The following CHAF1A variants were observed in gnomAD, a reference collection of about 807,000 sequenced individuals.
The protein encoded by CHAF1A is chromatin assembly factor 1 subunit A, also known as CAF-1 subunit A.
A neutral mutation model predicts 93.2 loss-of-function variants in CHAF1A; 5 were observed. The observed-to-expected ratio is 0.05, with a 90% CI of 0.03 to 0.11. The LOEUF (loss-of-function observed/expected upper bound fraction) is 0.11, where lower values mean the gene tolerates loss of function less well. Among genes scored for constraint, CHAF1A ranks in the 10% least tolerant of loss-of-function variants. The pLI, the probability that CHAF1A is intolerant of heterozygous loss-of-function variation, is 1.00. For synonymous variants in CHAF1A, 504 were observed against 510.3 expected (o/e 0.99, Z 0.17); for missense variants, 1,102 against 1,259.9 (o/e 0.87, Z 1.90).
chr19:4,427,994 G>A (rs1300423005), intron 7 of CHAF1A, among the ~76,000 whole-genome samples: 1 of 151,902 alleles, frequency 6.6e-6, no homozygotes, highest in Non-Finnish European at 1.5e-5. Context: ...AAAGTGGTGG[G>A]ATTACAGGCA....
chr19:4,422,811 G>A lies in CHAF1A; in HGVS notation c.1247+16G>A. The A allele has an allele frequency of 6.2e-7, 1 of 1,607,696 alleles. No homozygotes were observed. Among genetic ancestry groups the A allele is most frequent in the Non-Finnish European group, 8.5e-7 (1 of 1,176,180 alleles). On this transcript the variant is annotated intron_variant, in intron 5 of 14. Transcript: ENST00000301280. This position sits in a 1 kb window ranked among gnomAD's most constrained non-coding sequence, Gnocchi z 4.6. ...AAGCCCTGGAGTGAGTGTCCTTGGA[G>A]GCCATGCTGGGCCCGCCACCCTGCT...
intron 13 of CHAF1A, 149 bp from the exon 14 acceptor site, chr19:4,442,096 T>G (rs1192579194): frequency 4.7e-6 from 3 of 637,074 alleles, no homozygotes; most frequent in Non-Finnish European, 8.6e-6. Context: ...TTGGACAGTT[T>G]GTTACCAAAT....
downstream of CHAF1A, chr19:4,446,044 C>G (rs1974505911): frequency 1.9e-6 from 3 of 1,608,272 alleles, no homozygotes; most frequent in East Asian, 4.5e-5. Flanking sequence ...CGGGCCGACA[C>G]TCACCAGCCC....
At chr19:4,403,394 C>T (rs1017215613) in intron 1 of CHAF1A, among the ~76,000 whole-genome samples, 10 of 152,240 alleles carry the variant, frequency 6.6e-5, no homozygotes, top group African/African-American at 2.4e-4. Flanking sequence ...CCACCACAGG[C>T]CTCCTGAAAC....
At chr19:4,421,428 A>G (rs999363358) in intron 4 of CHAF1A, among the ~76,000 whole-genome samples, 1 of 152,314 alleles carries the variant, frequency 6.6e-6, no homozygotes, top group Admixed American at 6.5e-5. Context: ...ACCAGGACAC[A>G]GGGCTAATTC....
At chr19:4,426,009 T>C (rs1190446451) in intron 7 of CHAF1A, among the ~76,000 whole-genome samples, 1 of 152,204 alleles carries the variant, frequency 6.6e-6, no homozygotes, top group Non-Finnish European at 1.5e-5. Flanking sequence ...TTTGCCATTT[T>C]AGTTCTTCTA....
chr19:4,430,658 G>T lies in CHAF1A; in HGVS notation c.1947+17G>T, dbSNP rs774454126. 9 of 1,613,152 alleles carry T rather than the reference G, an allele frequency of 5.6e-6. No individual in the cohort carries two copies. In the East Asian group the frequency reaches 2.0e-4, roughly 36 times the overall value. ...GTGACAGAGGTGAGGGAGTGAAGGG[G>T]GAGGTCACCGGCTCAGCAAAAGTTC... On this transcript the variant is annotated intron_variant, in intron 11 of 14. Coordinates refer to ENST00000301280, the MANE Select transcript of CHAF1A (RefSeq NM_005483.3).
chr19:4,429,311 G>A lies in CHAF1A; in HGVS notation c.1605-127G>A, dbSNP rs1410199010. 6.5e-6 allele frequency: 7 copies of A among 1,084,080 alleles called. No homozygotes were observed. In the African/African-American group the frequency reaches 1.1e-4, roughly 17 times the overall value. 67.2% of individuals were successfully genotyped at this position (1,084,080 alleles called of 1,614,324 possible). On this transcript the variant is annotated intron_variant, in intron 8 of 14. Coordinates refer to ENST00000301280, the MANE Select transcript of CHAF1A (RefSeq NM_005483.3). The stretch of plus-strand genomic sequence containing the variant: ...CCTGACCTTTCTTTGGGGACAGGCA[G>A]TGCTGCTTTTTAACAAATGCCCATC...
intron 4 of CHAF1A, among the ~76,000 whole-genome samples, chr19:4,420,245 G>A (rs931783049): frequency 2.7e-5 from 4 of 147,374 alleles, no homozygotes; most frequent in Non-Finnish European, 6.0e-5. Flanking sequence ...GCAGGTGAGC[G>A]TTTTTTTTTT....
chr19:4,437,938 T>C (rs1974315547), intron 13 of CHAF1A, among the ~76,000 whole-genome samples: 1 of 152,082 alleles, frequency 6.6e-6, no homozygotes, highest in Non-Finnish European at 1.5e-5. Flanking sequence ...AGACGGGGTT[T>C]CACTGTGTTA....
At chr19:4,444,930 C>G (rs544742622), downstream of CHAF1A, 226 of 154,398 alleles carry the variant, frequency 1.5e-3, no homozygotes, top group Non-Finnish European at 8.6e-4. Context: ...GGAGCCACAC[C>G]CAGCCCCCAA....
rs988547706 is a variant in CHAF1A at position 4,406,031 on chromosome 19, C to G, written c.103+69C>G. ...GTCTTCCTTGTCTCTTGTTGGAGAC[C>G]TCAGTGGAAGCCTGGAGCTAGAGGG... is the stretch of plus-strand genomic sequence containing the variant. On this transcript the variant is annotated intron_variant, in intron 2 of 14. Transcript: ENST00000301280. The G allele has an allele frequency of 1.4e-5, 18 of 1,267,632 alleles. No individual in the cohort carries two copies. The Admixed American group carries it at 2.7e-4, about 19-fold the overall frequency. 78.5% of individuals were successfully genotyped at this position (1,267,632 alleles called of 1,614,324 possible). A position where few individuals can be genotyped will look rare whatever the true frequency, so the allele number is the denominator to read the frequency against.
In CHAF1A at chr19:4,422,709, G is replaced by A. The variant is rs771688217; in HGVS notation, c.1161G>A (p.Arg387=). Residue 387 remains arginine, a synonymous_variant, in exon 5 of 15, where the codon CGG becomes CGA. Transcript: ENST00000301280. The surrounding 1 kb of genome is among the most constrained non-coding windows in gnomAD (Gnocchi z 4.6). ...AGGAGCTTAAGGAAAAGGAGAGGCG[G>A]GAGAAGCGGGAGAAGGATGAGAAGG... The part of the protein sequence containing the change: ...EEKELKEKER[R]EKREKDEKEK... 1 of 1,607,182 alleles carries A rather than the reference G, an allele frequency of 6.2e-7. No individual in the cohort carries two copies. Among genetic ancestry groups the A allele is most frequent in the South Asian group, 1.1e-5 (1 of 90,520 alleles).
chr19:4,447,965 C>G, downstream of CHAF1A: 1 of 497,166 alleles, frequency 2.0e-6, no homozygotes, highest in Non-Finnish European at 3.7e-6. Flanking sequence ...GGGGCTCCTG[C>G]GGGGTGCTCC....
chr19:4,418,061 G>C lies in CHAF1A; in HGVS notation c.1002G>C (p.Lys334Asn). Residue 334 changes from lysine (K) to asparagine (N), a missense_variant, in exon 4 of 15, where the codon AAG becomes AAC. Lys to Asn is a moderately conservative substitution (Grantham distance 94). Transcript: ENST00000301280. ...TCAAAGGCTCTACAGAGAAGAACAAGCTCAGACTGCAAAGAGTAAGACATT... is the reference window on the plus strand; with the variant it reads ...TCAAAGGCTCTACAGAGAAGAACAACCTCAGACTGCAAAGAGTAAGACATT... ...KFVKGSTEKN[K>N]LRLQRDQERL... The C allele has an allele frequency of 5.6e-6, 9 of 1,604,484 alleles. No homozygotes were observed. The highest frequency in any genetic ancestry group is 7.7e-6 in the Non-Finnish European group (9 of 1,175,444).
In CHAF1A at chr19:4,442,335, G is replaced by A. The variant is rs142075541; in HGVS notation, c.2764G>A (p.Ala922Thr). Residue 922 changes from alanine (A) to threonine (T), a missense_variant, in exon 14 of 15, where the codon GCT (alanine) becomes ACT (threonine). Transcript: ENST00000301280. The stretch of plus-strand genomic sequence containing the variant: ...CTGTATGATCGTGGATGTCCCGGAT[G>A]CTGCGGGTGAGAAGGGCTGTAGATA... ...GDCMIVDVPD[A>T]AEVQAPCGAA... 90 of 1,595,706 alleles carry A rather than the reference G, an allele frequency of 5.6e-5. No individual in the cohort carries two copies. Among genetic ancestry groups the A allele is most frequent in the Non-Finnish European group, 7.2e-5 (84 of 1,170,026 alleles).
chr19:4,443,462 G>A (rs1287329109), downstream of CHAF1A: 4 of 181,826 alleles, frequency 2.2e-5, no homozygotes, highest in Non-Finnish European at 3.4e-5. Context: ...CCCATGGCCC[G>A]GCCCCATGTG....
intron 3 of CHAF1A, among the ~76,000 whole-genome samples, chr19:4,411,591 G>GA (rs147288937): frequency 0.31 from 44,039 of 141,912 alleles, 8,201 homozygotes; most frequent in Non-Finnish European, 0.42. Context: ...GATGAAAAAG[G>GA]AAAAAATGGC....
At chr19:4,426,833 G>A (rs547771015) in intron 7 of CHAF1A, among the ~76,000 whole-genome samples, 26 of 152,040 alleles carry the variant, frequency 1.7e-4, no homozygotes, top group Middle Eastern at 3.4e-3. Context: ...GCTTATGCCT[G>A]TAATCTCAGC....
Sources: allele counts gnomAD v4.1 joint callset (sites outside exome capture counted in the v4.1 genomes callset), GRCh38; gene constraint gnomAD v4.1.1; non-coding constraint Gnocchi (gnomAD v3.1); transcripts MANE v1.5; gene names NCBI Gene and HGNC (gene_info 2026-07-23, HGNC 2026-07-21).